NCOA2: variants seen among roughly 807,000 people sequenced by gnomAD.
NCOA2 encodes the protein class E basic helix-loop-helix protein 75.
NCOA2 carries 21 observed loss-of-function variants against 145.1 expected under a neutral mutation model. The observed-to-expected ratio is 0.14, with a 90% CI of 0.10 to 0.21. The LOEUF is 0.21. Among genes scored for constraint, NCOA2 ranks in the 10% least tolerant of loss-of-function variants. The pLI is 1.00. For missense variants in NCOA2, 1,472 were observed against 1,837.6 expected (o/e 0.80, Z 3.64); for synonymous variants, 619 against 637.5 (o/e 0.97, Z 0.44).
At chr8:70,386,561 C>T (rs1812685142) in intron 1 of NCOA2, among the ~76,000 whole-genome samples, 1 of 152,138 alleles carries the variant, frequency 6.6e-6, no homozygotes, top group Non-Finnish European at 1.5e-5. Flanking sequence ...AAGAGTTCTA[C>T]ACACTGTATA....
intron 4 of NCOA2, among the ~76,000 whole-genome samples, chr8:70,181,668 T>C (rs190967392): frequency 1.8e-4 from 28 of 152,344 alleles, no homozygotes; most frequent in Admixed American, 1.8e-3. Flanking sequence ...TATAATTAAT[T>C]CCTCTGCTTC....
At position 70,156,908 on chromosome 8, in the gene NCOA2, A is replaced by G. The variant is rs754957890; in HGVS notation, c.1457T>C (p.Leu486Pro). 6.2e-7 allele frequency: 1 copy of G among 1,613,990 alleles called. No homozygotes were observed. Among genetic ancestry groups the G allele is most frequent in the South Asian group, 1.1e-5 (1 of 91,086 alleles). Residue 486 changes from leucine to proline, a missense_variant, in exon 11 of 23, where the codon CTT (leucine) becomes CCT (proline). Transcript: ENST00000452400. ...GMNPGQPTSMLSPRHRMSPGV... is the reference protein window; with the variant it reads ...GMNPGQPTSMPSPRHRMSPGV... ...AGGGCTCATGCGATGCCTTGGTGAAAGCATGGAGGTGGGCTGTCCTGGATT... is the reference window on the plus strand; with the variant it reads ...AGGGCTCATGCGATGCCTTGGTGAAGGCATGGAGGTGGGCTGTCCTGGATT...
chr8:70,291,990 G>A (rs1161504672), intron 2 of NCOA2, among the ~76,000 whole-genome samples: 1 of 151,364 alleles, frequency 6.6e-6, no homozygotes. Context: ...CAGGAGAATG[G>A]CATGAACCTG....
chr8:70,135,560 C>T (rs1337229020), intron 15 of NCOA2, among the ~76,000 whole-genome samples: 1 of 152,116 alleles, frequency 6.6e-6, no homozygotes, highest in African/African-American at 2.4e-5. Context: ...TATCACTTCC[C>T]TTAGAGATGT....
chr8:70,117,839 A>G (rs1384443418), intron 22 of NCOA2, among the ~76,000 whole-genome samples: 2 of 152,248 alleles, frequency 1.3e-5, no homozygotes, highest in East Asian at 3.8e-4. Flanking sequence ...AATAGAGAAT[A>G]GGCTTGCAGT....
chr8:70,435,712 A>G, the NCOA2 span, among the ~76,000 whole-genome samples: 2 of 150,110 alleles, frequency 1.3e-5, no homozygotes, highest in African/African-American at 2.5e-5. Context: ...TATAATACTT[A>G]CACTTATATA....
chr8:70,409,108 A>G, the NCOA2 span, among the ~76,000 whole-genome samples: 3,967 of 152,288 alleles, frequency 0.026, 185 homozygotes, highest in African/African-American at 0.09. Flanking sequence ...TTAAGATGTC[A>G]TCAGTATTAA....
intron 2 of NCOA2, among the ~76,000 whole-genome samples, chr8:70,226,098 A>G (rs1171820705): frequency 6.6e-6 from 1 of 152,164 alleles, no homozygotes; most frequent in African/African-American, 2.4e-5. Flanking sequence ...ATTTAAAAAG[A>G]AAATTAAAAA....
chr8:70,210,782 T>C (rs1181950277), intron 4 of NCOA2, among the ~76,000 whole-genome samples: 1 of 152,152 alleles, frequency 6.6e-6, no homozygotes, highest in Non-Finnish European at 1.5e-5. Flanking sequence ...GAGCCCAGCT[T>C]TCCTCATTGT....
chr8:70,210,963 T>C (rs181302286), intron 4 of NCOA2, among the ~76,000 whole-genome samples: 7 of 152,176 alleles, frequency 4.6e-5, no homozygotes, highest in Non-Finnish European at 1.0e-4. Flanking sequence ...AAGATGGTAG[T>C]TGGATTTTAT....
At chr8:70,320,775 T>TA (rs1177878358) in intron 1 of NCOA2, among the ~76,000 whole-genome samples, 1 of 152,170 alleles carries the variant, frequency 6.6e-6, no homozygotes, top group Admixed American at 6.5e-5. Flanking sequence ...CTGCTCTTAA[T>TA]AAAAAATAAT....
chr8:70,199,554 G>A (rs192778451), intron 4 of NCOA2, among the ~76,000 whole-genome samples: 21 of 152,144 alleles, frequency 1.4e-4, no homozygotes, highest in Admixed American at 3.9e-4. Flanking sequence ...TCTGATCAAC[G>A]GGAGTCGCTG....
the NCOA2 span, among the ~76,000 whole-genome samples, chr8:70,408,975 A>C: frequency 1.3e-5 from 2 of 152,092 alleles, no homozygotes; most frequent in Non-Finnish European, 2.9e-5. Context: ...ATAGTGGCTC[A>C]TGCCTGTAAT....
chr8:70,150,289 C>CA (rs1157839167), intron 11 of NCOA2, among the ~76,000 whole-genome samples: 1 of 152,208 alleles, frequency 6.6e-6, no homozygotes, highest in African/African-American at 2.4e-5. Context: ...AAAGTACCAA[C>CA]AGTCACAGAC....
chr8:70,379,995 CA>C (rs1446198286), intron 1 of NCOA2, among the ~76,000 whole-genome samples: 2 of 151,122 alleles, frequency 1.3e-5, no homozygotes, highest in South Asian at 2.1e-4. Flanking sequence ...TAATGAGGCT[CA>C]AAAAAAAGGC....
At chr8:70,321,562 A>G (rs1806067356) in intron 1 of NCOA2, among the ~76,000 whole-genome samples, 1 of 152,052 alleles carries the variant, frequency 6.6e-6, no homozygotes, top group South Asian at 2.1e-4. Context: ...ATTTATCCAA[A>G]GGAGATTTCA....
chr8:70,183,228 G>A (rs1815683381), intron 4 of NCOA2, among the ~76,000 whole-genome samples: 1 of 152,132 alleles, frequency 6.6e-6, no homozygotes, highest in South Asian at 2.1e-4. Context: ...AAAAATCAAT[G>A]GGTGTGAAAG....
chr8:70,212,107 T>C (rs978693265), intron 4 of NCOA2, among the ~76,000 whole-genome samples: 2 of 149,064 alleles, frequency 1.3e-5, no homozygotes, highest in African/African-American at 5.0e-5. Context: ...ATATTTGTTT[T>C]GAAATGTAGA....
chr8:70,143,506 T>G (rs1810692971), intron 13 of NCOA2, among the ~76,000 whole-genome samples: 1 of 152,164 alleles, frequency 6.6e-6, no homozygotes, highest in African/African-American at 2.4e-5. Flanking sequence ...ACTGAATATT[T>G]AATGAAATGA....
Sources: gnomAD v4.1 joint callset for allele counts (sites outside exome capture counted in the v4.1 genomes callset) on GRCh38, gnomAD v4.1.1 for gene constraint, MANE v1.5 for transcripts, NCBI Gene and HGNC (gene_info 2026-07-23, HGNC 2026-07-21) for gene names.